Variants in FAM91A1 observed in about 807,000 individuals in gnomAD.
FAM91A1 encodes protein FAM91A1.
Under a neutral mutation model 113.5 loss-of-function variants are expected in FAM91A1, and 41 were observed. The ratio of observed to expected loss-of-function variants is 0.36; its 90% confidence interval spans 0.28 to 0.47. The LOEUF (loss-of-function observed/expected upper bound fraction) is 0.47, where lower values mean the gene tolerates loss of function less well. FAM91A1 is among the 20% of genes least tolerant of loss of function. The pLI is 1.00. For missense variants in FAM91A1, 696 were observed against 1,001.2 expected (o/e 0.70, Z 4.11); for synonymous variants, 307 against 347.9 (o/e 0.88, Z 1.31).
At chr8:123,810,430 T>G in intron 23 of FAM91A1, 79 bp downstream of exon 23, 1 of 1,202,378 alleles carries the variant, frequency 8.3e-7, no homozygotes. Flanking sequence ...TGTTTTTGAG[T>G]CACCACAGCA....
chr8:123,811,184 C>G (rs1485165407), intron 23 of FAM91A1: 4 of 152,126 alleles, frequency 2.6e-5, no homozygotes, highest in South Asian at 2.1e-4. Context: ...AACAAAGAAA[C>G]AAATGAAGCC....
intron 23 of FAM91A1, 100 bp from the exon 24 acceptor site, chr8:123,812,419 A>C (rs998326237): frequency 1.9e-6 from 2 of 1,052,736 alleles, no homozygotes; most frequent in African/African-American, 3.2e-5. Flanking sequence ...GCAATCCATA[A>C]ACACTTCTCA....
chr8:123,790,166 T>A (rs1815349527), intron 15 of FAM91A1, among the ~76,000 whole-genome samples: 1 of 152,206 alleles, frequency 6.6e-6, no homozygotes. Context: ...CTGCAATACT[T>A]ACCAAAAGAT....
At chr8:123,787,012 C>T (rs1815274444) in intron 12 of FAM91A1, among the ~76,000 whole-genome samples, 1 of 151,988 alleles carries the variant, frequency 6.6e-6, no homozygotes, top group African/African-American at 2.4e-5. Flanking sequence ...CATTTCAGCC[C>T]GAGAGAATAG....
rs1460982170 is a variant in FAM91A1 at position 123,812,931 on chromosome 8, G to A, written c.*227G>A. On this transcript the variant is annotated 3_prime_UTR_variant, in exon 24 of 24. Coordinates refer to ENST00000334705, the MANE Select transcript of FAM91A1 (RefSeq NM_144963.4). ...GCCAGCACTGTATTTTTTACCTTGA[G>A]ACAATCTGCATTTCTTTTATAAAAC... 1.5e-4 allele frequency: 55 copies of A among 377,770 alleles called. No individual in the cohort carries two copies. In the East Asian group the frequency reaches 2.1e-3, roughly 14 times the overall value. 23.4% of individuals were successfully genotyped at this position (377,770 alleles called of 1,614,324 possible).
chr8:123,775,167 G>A lies in FAM91A1; in HGVS notation c.178G>A (p.Glu60Lys). The change falls in exon 3 of 24, where the codon GAA (glutamate) becomes AAA (lysine). Residue 60 changes from glutamate to lysine, a missense_variant. Physicochemically the swap from Glu to Lys is moderately conservative, Grantham distance 56. Coordinates refer to ENST00000334705, the MANE Select transcript of FAM91A1 (RefSeq NM_144963.4). ...TGCAGTTAAACATGTCAAGAAAGAT[G>A]AACGCAGATACTATGAGGAACTGCT... ...NNLVKHVKKD[E>K]RRYYEELLKY... 10 of 1,608,520 alleles carry A rather than the reference G, an allele frequency of 6.2e-6. No homozygotes were observed. The highest frequency in any genetic ancestry group is 7.6e-6 in the Non-Finnish European group (9 of 1,177,434).
intron 8 of FAM91A1, 127 bp downstream of exon 8, chr8:123,780,669 T>C: frequency 1.5e-6 from 1 of 673,560 alleles, no homozygotes. Flanking sequence ...GTTATTACAT[T>C]TTAACATAGT....
chr8:123,800,815 A>G (rs527794578), intron 18 of FAM91A1, among the ~76,000 whole-genome samples: 14 of 152,206 alleles, frequency 9.2e-5, no homozygotes, highest in Admixed American at 4.6e-4. Flanking sequence ...CATTTAACAT[A>G]ATGTTTTCAA....
At position 123,776,251 on chromosome 8, in the gene FAM91A1, C is replaced by G. The variant is rs544424811; in HGVS notation, c.309+953C>G. Among the ~76,000 whole-genome samples the G allele has an allele frequency of 4.6e-5, 7 of 152,278 alleles. No homozygotes were observed. The East Asian group carries it at 1.4e-3, about 29-fold the overall frequency. ...GCAGTATTTATTTAGTATTCATTTG[C>G]TCCTTAATTATGTTTGAGTGCTTCT... is the stretch of plus-strand genomic sequence containing the variant. On this transcript the variant is annotated intron_variant, in intron 3 of 23. Transcript: ENST00000334705.
At position 123,810,525 on chromosome 8, in the gene FAM91A1, G is replaced by A. The variant is rs562763487; in HGVS notation, c.2331+174G>A. ...GTTAATGGACTTGCACATTTCACTC[G>A]CCAGGTCTTCGGAGACCAAAGCTTG... On this transcript the variant is annotated intron_variant, in intron 23 of 23. Transcript: ENST00000334705. The A allele has an allele frequency of 7.3e-5, 52 of 715,792 alleles. No homozygotes were observed. In the East Asian group the frequency reaches 9.6e-4, roughly 13 times the overall value. The allele number at this position is 715,792 out of a possible 1,614,324, so 44.3% of individuals were successfully genotyped here.
intron 15 of FAM91A1, among the ~76,000 whole-genome samples, chr8:123,790,585 G>T (rs932227536): frequency 1.3e-5 from 2 of 152,154 alleles, no homozygotes; most frequent in African/African-American, 2.4e-5. Flanking sequence ...TTCTGGCCAA[G>T]AACATCAGTT....
intron 18 of FAM91A1, 151 bp downstream of exon 18, chr8:123,800,036 G>T (rs944068752): frequency 5.8e-6 from 4 of 694,816 alleles, no homozygotes; most frequent in Non-Finnish European, 9.1e-6. Context: ...AGTCCTGGCC[G>T]TTTGGCAGTG....
chr8:123,808,585 G>A (rs1039936830), intron 21 of FAM91A1, among the ~76,000 whole-genome samples: 2 of 152,092 alleles, frequency 1.3e-5, no homozygotes, highest in African/African-American at 4.8e-5. Context: ...TGTGGTAAAT[G>A]TTTTGATTCA....
rs1485516095 is a variant in FAM91A1, at chr8:123,785,678, A to G, written c.899A>G (p.Gln300Arg). The change falls in exon 11 of 24, where the codon CAA (glutamine) becomes CGA (arginine). Residue 300 changes from glutamine (Q) to arginine (R), a missense_variant. By Grantham distance (43) the Gln-to-Arg change is conservative. Coordinates refer to ENST00000334705, the MANE Select transcript of FAM91A1 (RefSeq NM_144963.4). ...TTGGGCTTTGCCCATAAGAAGGGAC[A>G]AGTAATTAATTTGGATCAACTTCAT... is the stretch of plus-strand genomic sequence containing the variant. ...CRLGFAHKKG[Q>R]VINLDQLHSS... is the part of the protein sequence containing the mutation. The G allele has an allele frequency of 1.2e-6, 2 of 1,609,794 alleles. No homozygotes were observed. The highest frequency in any genetic ancestry group is 1.7e-6 in the Non-Finnish European group (2 of 1,178,876).
chr8:123,786,071 G>C (rs1404384076), intron 11 of FAM91A1: 1 of 346,050 alleles, frequency 2.9e-6, no homozygotes, highest in Non-Finnish European at 5.6e-6. Context: ...CACCCACCTT[G>C]GCCTTCCAAA....
intron 23 of FAM91A1, 54 bp from the exon 24 acceptor site, chr8:123,812,465 A>T: frequency 6.9e-7 from 1 of 1,442,804 alleles, no homozygotes; most frequent in Non-Finnish European, 9.3e-7. Flanking sequence ...TAGTTATATT[A>T]AGTGGTTTTG....
chr8:123,802,501 C>A, intron 18 of FAM91A1, among the ~76,000 whole-genome samples: 1 of 152,030 alleles, frequency 6.6e-6, no homozygotes, highest in East Asian at 1.9e-4. Flanking sequence ...GGTGGTGATA[C>A]CACTACTCTG....
At chr8:123,803,295 A>G (rs922010797) in intron 18 of FAM91A1, among the ~76,000 whole-genome samples, 1 of 151,626 alleles carries the variant, frequency 6.6e-6, no homozygotes, top group South Asian at 2.1e-4. Flanking sequence ...ACAAATCAGC[A>G]GACAGTACCT....
intron 3 of FAM91A1, among the ~76,000 whole-genome samples, chr8:123,775,860 G>T (rs1814971939): frequency 6.6e-6 from 1 of 152,150 alleles, no homozygotes; most frequent in African/African-American, 2.4e-5. Flanking sequence ...AGCTACTCAG[G>T]AGGCTGAGGG....
Sources: allele counts gnomAD v4.1 joint callset (sites outside exome capture counted in the v4.1 genomes callset), GRCh38; gene constraint gnomAD v4.1.1; transcripts MANE v1.5; gene names NCBI Gene and HGNC (gene_info 2026-07-23, HGNC 2026-07-21).